Variants in ATXN10 observed in about 807,000 individuals in gnomAD.
The protein encoded by ATXN10 is ataxin-10.
Under a neutral mutation model 52.9 loss-of-function variants are expected in ATXN10, and 28 were observed. That is an observed-to-expected ratio of 0.53 (90% CI 0.39 to 0.73). The LOEUF (loss-of-function observed/expected upper bound fraction) is 0.73, where lower values mean the gene tolerates loss of function less well. ATXN10 is among the 30% of genes least tolerant of loss of function. The pLI is 0.00. For missense variants in ATXN10, 565 were observed against 577.0 expected (o/e 0.98, Z 0.21); for synonymous variants, 226 against 221.5 (o/e 1.02, Z -0.18).
Position 45,844,831 on chromosome 22 carries a change from C to T in ATXN10, c.*1160C>T, listed in dbSNP as rs9626208. The stretch of plus-strand genomic sequence containing the variant: ...CTGTCCAAAAGTTTTGACAAAAATA[C>T]TGATTGCTCCCAAATAAAGTGCTTC... On this transcript the variant is annotated 3_prime_UTR_variant, in exon 12 of 12. Transcript: ENST00000252934. The T allele has an allele frequency of 6.6e-6, 1 of 152,216 alleles. No individual in the cohort carries two copies. Among genetic ancestry groups the T allele is most frequent in the African/African-American group, 2.4e-5 (1 of 41,460 alleles). 9.4% of individuals were successfully genotyped at this position (152,216 alleles called of 1,614,324 possible). A position where few individuals can be genotyped will look rare whatever the true frequency, so the allele number is the denominator to read the frequency against.
In ATXN10 at chr22:45,677,006, A is replaced by G. The variant is rs904931695; in HGVS notation, c.116+4827A>G. Reference sequence around the variant, plus strand: ...CATGTTGCCCAGGCTGGCATTAGCCATATTTTAAGTGCTCATTGGCCACAT... The same window carrying G: ...CATGTTGCCCAGGCTGGCATTAGCCGTATTTTAAGTGCTCATTGGCCACAT... On this transcript the variant is annotated intron_variant, in intron 1 of 11. Coordinates refer to ENST00000252934, the MANE Select transcript of ATXN10 (RefSeq NM_013236.4). The surrounding 1 kb of genome is among the most constrained non-coding windows in gnomAD (Gnocchi z 4.1). The G allele has an allele frequency of 6.7e-6, 1 of 148,744 alleles. No homozygotes were observed. Among genetic ancestry groups the G allele is most frequent in the African/African-American group, 2.4e-5 (1 of 41,334 alleles). 9.2% of individuals were successfully genotyped at this position (148,744 alleles called of 1,614,324 possible).
Position 45,795,352 on chromosome 22 carries a change from T to G in ATXN10, c.1174-11607T>G, listed in dbSNP as rs1044913407. 6.7e-6 allele frequency among the ~76,000 whole-genome samples: 1 copy of G among 150,142 alleles called. No individual in the cohort carries two copies. The highest frequency in any genetic ancestry group is 2.5e-5 in the African/African-American group (1 of 40,420). The stretch of plus-strand genomic sequence containing the variant: ...ATATCCAACTAAAAGACTACTAGAA[T>G]GGATTCTATTCTATTCTATTCTATT... On this transcript the variant is annotated intron_variant, in intron 9 of 11. Transcript: ENST00000252934. This position sits in a 1 kb window ranked among gnomAD's most constrained non-coding sequence, Gnocchi z 4.6.
At chr22:45,693,638 A>T (rs1923472372) in intron 3 of ATXN10, among the ~76,000 whole-genome samples, 1 of 152,214 alleles carries the variant, frequency 6.6e-6, no homozygotes, top group South Asian at 2.1e-4. Context: ...TCGGAGGGGC[A>T]CAGATATTCA....
At chr22:45,706,010 G>A (rs575779121) in intron 5 of ATXN10, among the ~76,000 whole-genome samples, 20 of 152,284 alleles carry the variant, frequency 1.3e-4, no homozygotes, top group African/African-American at 4.8e-4. Flanking sequence ...CTGCGCATGC[G>A]AGGGATCTAG....
chr22:45,822,271 A>G (rs1928673775), intron 10 of ATXN10, among the ~76,000 whole-genome samples: 1 of 152,170 alleles, frequency 6.6e-6, no homozygotes, highest in Admixed American at 6.5e-5. Flanking sequence ...ATCTTGGTAC[A>G]TACAGTGCAT....
intron 9 of ATXN10, among the ~76,000 whole-genome samples, chr22:45,761,916 TA>T (rs980914523): frequency 2.0e-5 from 3 of 152,158 alleles, no homozygotes; most frequent in East Asian, 1.9e-4. Context: ...ATCTGGCTTT[TA>T]AAAAAAACAC....
rs934712855 is a variant in ATXN10 at position 45,772,300 on chromosome 22, A to G, written c.1173+31762A>G. On this transcript the variant is annotated intron_variant, in intron 9 of 11. Coordinates refer to ENST00000252934, the MANE Select transcript of ATXN10 (RefSeq NM_013236.4). The surrounding 1 kb of genome is among the most constrained non-coding windows in gnomAD (Gnocchi z 4.1). Reference sequence around the variant, plus strand: ...TCATTGTTTTGCAAATGGATGATGAATTATTCTAGCAGCATTTGTTAAAAA... The same window carrying G: ...TCATTGTTTTGCAAATGGATGATGAGTTATTCTAGCAGCATTTGTTAAAAA... Among the ~76,000 whole-genome samples, 12 of 152,170 alleles carry G rather than the reference A, an allele frequency of 7.9e-5. No homozygotes were observed. Among genetic ancestry groups the G allele is most frequent in the African/African-American group, 2.4e-4 (10 of 41,418 alleles).
rs1004038063 is a variant in ATXN10 at position 45,701,577 on chromosome 22, C to G, written c.489-1112C>G. Among the ~76,000 whole-genome samples, 1 of 152,152 alleles carries G rather than the reference C, an allele frequency of 6.6e-6. No homozygotes were observed. The highest frequency in any genetic ancestry group is 1.5e-5 in the Non-Finnish European group (1 of 68,022). On this transcript the variant is annotated intron_variant, in intron 4 of 11. Transcript: ENST00000252934. The surrounding 1 kb of genome is among the most constrained non-coding windows in gnomAD (Gnocchi z 4.2). The stretch of plus-strand genomic sequence containing the variant: ...GAGCTTAGGTGGAAGAAGAGAATTA[C>G]GAAATTCAAGCTACAGAAATAGGCA...
chr22:45,843,618 TTG>T lies in ATXN10; in HGVS notation c.1426-48_1426-47del. 1.9e-6 allele frequency: 3 copies of T among 1,596,050 alleles called. No homozygotes were observed. The highest frequency in any genetic ancestry group is 2.6e-6 in the Non-Finnish European group (3 of 1,165,306). On this transcript the variant is annotated intron_variant, in intron 11 of 11. Transcript: ENST00000252934. This position sits in a 1 kb window ranked among gnomAD's most constrained non-coding sequence, Gnocchi z 4.5. ...TTTTTCCCCTTTTGTCTGATGAATC[TTG>T]TGAACAGATTTGCTACATCTGCAAT...
chr22:45,777,695 C>T (rs1555894782), intron 9 of ATXN10, among the ~76,000 whole-genome samples: 1 of 152,224 alleles, frequency 6.6e-6, no homozygotes, highest in Non-Finnish European at 1.5e-5. Flanking sequence ...CTTGTGAAAA[C>T]AGATTTTGGA....
chr22:45,698,007 C>T (rs965561358), intron 3 of ATXN10, among the ~76,000 whole-genome samples: 1 of 152,164 alleles, frequency 6.6e-6, no homozygotes, highest in Admixed American at 6.5e-5. Flanking sequence ...TGGAATAATA[C>T]TCCGTTGTTT....
At chr22:45,768,445 C>T (rs1337838617) in intron 9 of ATXN10, among the ~76,000 whole-genome samples, 1 of 151,066 alleles carries the variant, frequency 6.6e-6, no homozygotes, top group Admixed American at 6.6e-5. Context: ...GTGTAAAAAA[C>T]ACAAAAATCC....
At chr22:45,839,056 C>T (rs186835121) in intron 10 of ATXN10, among the ~76,000 whole-genome samples, 4 of 152,146 alleles carry the variant, frequency 2.6e-5, no homozygotes, top group East Asian at 3.9e-4. Context: ...CTCCTTAAAC[C>T]GGAAGGAAAG....
intron 9 of ATXN10, among the ~76,000 whole-genome samples, chr22:45,760,176 G>C (rs1049860315): frequency 1.3e-5 from 2 of 152,108 alleles, no homozygotes. Flanking sequence ...GCTTGGTTCT[G>C]GGCCTGTAAA....
chr22:45,731,226 A>G (rs925195712), intron 7 of ATXN10, among the ~76,000 whole-genome samples: 7 of 152,252 alleles, frequency 4.6e-5, no homozygotes, highest in Non-Finnish European at 8.8e-5. Context: ...GAGAGAAGCC[A>G]GACAGACTAG....
chr22:45,695,557 T>C (rs888398588), intron 3 of ATXN10, among the ~76,000 whole-genome samples: 3 of 150,928 alleles, frequency 2.0e-5, no homozygotes, highest in African/African-American at 4.9e-5. Context: ...TGGTGCGATA[T>C]TGGCTCGCTG....
Position 45,806,982 on chromosome 22 carries a change from G to C in ATXN10, c.1197G>C (p.Pro399=). 1.2e-6 allele frequency: 2 copies of C among 1,613,862 alleles called. No individual in the cohort carries two copies. The highest frequency in any genetic ancestry group is 1.1e-5 in the South Asian group (1 of 91,066). ...QDKVNELDGI[P]LILDNCNISD... ...AGGTAAATGAGCTGGATGGTATCCC[G>C]TTGATCCTGGACAACTGCAACATCA... The change falls in exon 10 of 12, where the codon CCG becomes CCC. Residue 399 remains proline (P), a synonymous_variant. Transcript: ENST00000252934.
intron 9 of ATXN10, 157 bp downstream of exon 9, chr22:45,740,695 C>A: frequency 2.4e-6 from 1 of 410,736 alleles, no homozygotes; most frequent in Non-Finnish European, 4.4e-6. Flanking sequence ...CACACACACA[C>A]ACACACACAC....
intron 7 of ATXN10, among the ~76,000 whole-genome samples, chr22:45,730,026 A>G (rs1022061868): frequency 1.3e-5 from 2 of 152,240 alleles, no homozygotes; most frequent in Admixed American, 1.3e-4. Flanking sequence ...AATAAATAAT[A>G]CATTGTAAAT....
Sources: allele counts gnomAD v4.1 joint callset (sites outside exome capture counted in the v4.1 genomes callset), GRCh38; gene constraint gnomAD v4.1.1; non-coding constraint Gnocchi (gnomAD v3.1); transcripts MANE v1.5; gene names NCBI Gene and HGNC (gene_info 2026-07-23, HGNC 2026-07-21).